Variants in TENM3 observed in about 807,000 individuals in gnomAD.
TENM3 encodes the protein teneurin-3.
A neutral mutation model predicts 255.1 loss-of-function variants in TENM3; 63 were observed. The ratio of observed to expected loss-of-function variants is 0.25; its 90% CI spans 0.20 to 0.30. The LOEUF (loss-of-function observed/expected upper bound fraction) is 0.30. Among genes scored for constraint, TENM3 ranks in the 10% least tolerant of loss-of-function variants. The pLI is 1.00. For missense variants in TENM3, 2,929 were observed against 3,461.1 expected, an observed-to-expected ratio of 0.85 and a Z score of 3.86; for synonymous variants, 1,306 against 1,322.3, an observed-to-expected ratio of 0.99 and a Z score of 0.27.
intron 3 of TENM3, among the ~76,000 whole-genome samples, chr4:182,420,145 G>A (rs1169173609): frequency 6.6e-6 from 1 of 152,002 alleles, no homozygotes; most frequent in African/African-American, 2.4e-5. Flanking sequence ...CTGCCTGATT[G>A]TTATAATTGT....
intron 12 of TENM3, among the ~76,000 whole-genome samples, chr4:182,710,087 T>A (rs1758640466): frequency 6.6e-6 from 1 of 152,186 alleles, no homozygotes; most frequent in Non-Finnish European, 1.5e-5. Flanking sequence ...CTAATCCAGA[T>A]CAGAATTAAG....
chr4:182,553,518 T>C (rs1296089601), intron 3 of TENM3, among the ~76,000 whole-genome samples: 1 of 151,536 alleles, frequency 6.6e-6, no homozygotes, highest in African/African-American at 2.4e-5. Flanking sequence ...ACCCTAGAAC[T>C]TAAAGTATAA....
chr4:182,216,244 G>A (rs1433360270), intron 1 of TENM3, among the ~76,000 whole-genome samples: 3 of 152,174 alleles, frequency 2.0e-5, no homozygotes, highest in Admixed American at 6.5e-5. Flanking sequence ...TATTCCTGAC[G>A]TCACATCTCC....
At chr4:181,949,414 C>CA in the TENM3 span, among the ~76,000 whole-genome samples, 2 of 152,082 alleles carry the variant, frequency 1.3e-5, no homozygotes, top group African/African-American at 4.8e-5. Flanking sequence ...TGAATGAAAC[C>CA]AAAAACCTAG....
intron 1 of TENM3, among the ~76,000 whole-genome samples, chr4:182,181,727 C>A (rs1752851398): frequency 6.6e-6 from 1 of 152,124 alleles, no homozygotes; most frequent in Non-Finnish European, 1.5e-5. Flanking sequence ...TGACTGTTTA[C>A]AATATAGGTA....
Position 182,590,538 on chromosome 4 carries a change from C to CAAAAAAAAAAAAAA in TENM3, c.512-10376_512-10363dup, listed in dbSNP as rs34681777. Among the ~76,000 whole-genome samples, 25 of 79,952 alleles carry CAAAAAAAAAAAAAA rather than the reference C, an allele frequency of 3.1e-4. 2 individuals are homozygous for CAAAAAAAAAAAAAA. Among genetic ancestry groups the CAAAAAAAAAAAAAA allele is most frequent in the East Asian group, 7.7e-4 (2 of 2,614 alleles). 52.5% of individuals were successfully genotyped at this position (79,952 alleles called of 152,430 possible). A position where few individuals can be genotyped will look rare whatever the true frequency, so the allele number is the denominator to read the frequency against. ...CCAGCAATAGAGCGAGACCCTGTCT[C>CAAAAAAAAAAAAAA]AAAAAAAAAAAAAAAAAAAAAAAGA... On this transcript the variant is annotated intron_variant, in intron 3 of 27. Coordinates refer to ENST00000511685, the MANE Select transcript of TENM3 (RefSeq NM_001080477.4).
the TENM3 span, among the ~76,000 whole-genome samples, chr4:181,888,594 G>GTGTGTGTA: frequency 3.9e-5 from 3 of 77,562 alleles, 1 homozygote; most frequent in African/African-American, 1.1e-4. Context: ...ATATATGCGT[G>GTGTGTGTA]TGTGTGTGTG....
chr4:182,529,721 T>C (rs1356712165), intron 3 of TENM3, among the ~76,000 whole-genome samples: 1 of 152,156 alleles, frequency 6.6e-6, no homozygotes, highest in African/African-American at 2.4e-5. Flanking sequence ...TTAACAAATA[T>C]TTGTTCAACA....
chr4:182,637,044 C>T (rs985442246), intron 5 of TENM3, among the ~76,000 whole-genome samples: 9 of 152,138 alleles, frequency 5.9e-5, no homozygotes, highest in Non-Finnish European at 1.2e-4. Flanking sequence ...TTTGCTTTTA[C>T]ATTAGTGGTA....
chr4:182,713,284 A>C (rs2152676370), intron 12 of TENM3, among the ~76,000 whole-genome samples: 1 of 152,254 alleles, frequency 6.6e-6, no homozygotes, highest in East Asian at 1.9e-4. Flanking sequence ...TCAATGTTTT[A>C]TTGTGGTCCT....
At chr4:181,524,860 G>A in the TENM3 span, among the ~76,000 whole-genome samples, 1 of 152,076 alleles carries the variant, frequency 6.6e-6, no homozygotes, top group South Asian at 2.1e-4. Flanking sequence ...CCCTCTCCTC[G>A]GACCACGCAC....
chr4:182,495,338 C>G (rs1735675117), intron 3 of TENM3, among the ~76,000 whole-genome samples: 1 of 152,098 alleles, frequency 6.6e-6, no homozygotes, highest in South Asian at 2.1e-4. Context: ...TATTTTTCAC[C>G]TTGGTCCTGG....
intron 27 of TENM3, among the ~76,000 whole-genome samples, chr4:182,797,365 G>C (rs1766568219): frequency 1.3e-5 from 2 of 152,028 alleles, no homozygotes; most frequent in Admixed American, 1.3e-4. Context: ...CTTGAACCTG[G>C]GAGGCGGAGG....
the TENM3 span, among the ~76,000 whole-genome samples, chr4:181,949,060 C>T: frequency 6.6e-6 from 1 of 152,102 alleles, no homozygotes; most frequent in Non-Finnish European, 1.5e-5. Context: ...TTTGAAAAAA[C>T]TGATCTAGCA....
the TENM3 span, among the ~76,000 whole-genome samples, chr4:181,682,119 A>G: frequency 6.6e-6 from 1 of 152,200 alleles, no homozygotes; most frequent in African/African-American, 2.4e-5. Context: ...GAAGGCCCCC[A>G]AGTGGAGCAC....
the TENM3 span, among the ~76,000 whole-genome samples, chr4:181,684,064 A>C: frequency 6.6e-6 from 1 of 152,198 alleles, no homozygotes; most frequent in Non-Finnish European, 1.5e-5. Flanking sequence ...GGATCACTTG[A>C]GGCAGTTTTT....
chr4:182,600,949 G>A lies in TENM3; in HGVS notation c.537G>A (p.Gln179=). 1 of 1,358,160 alleles carries A rather than the reference G, an allele frequency of 7.4e-7. No homozygotes were observed. Among genetic ancestry groups the A allele is most frequent in the Non-Finnish European group, 1.0e-6 (1 of 998,778 alleles). 84.1% of individuals were successfully genotyped at this position (1,358,160 alleles called of 1,614,324 possible). The change falls in exon 4 of 28, where the codon CAG becomes CAA. Residue 179 remains glutamine, a synonymous_variant. Coordinates refer to ENST00000511685, the MANE Select transcript of TENM3 (RefSeq NM_001080477.4). ...ENEQPASNQG[Q]STLQPLPPSH... is the part of the protein sequence containing the mutation. ...AGCAACCTGCAAGCAATCAAGGCCA[G>A]TCTACCCTGCAGCCCTTGCCGCCTT...
chr4:182,253,669 A>C (rs1758189687), intron 1 of TENM3, among the ~76,000 whole-genome samples: 1 of 152,178 alleles, frequency 6.6e-6, no homozygotes, highest in Non-Finnish European at 1.5e-5. Flanking sequence ...TCCTTCCTCC[A>C]CACAATCATT....
At chr4:182,374,671 CT>C (rs1767058868) in intron 3 of TENM3, among the ~76,000 whole-genome samples, 1 of 152,106 alleles carries the variant, frequency 6.6e-6, no homozygotes, top group African/African-American at 2.4e-5. Context: ...TATTTCAAAA[CT>C]TTTTTTAGTC....
Sources: gnomAD v4.1 joint callset for allele counts (sites outside exome capture counted in the v4.1 genomes callset) on GRCh38, gnomAD v4.1.1 for gene constraint, MANE v1.5 for transcripts, NCBI Gene and HGNC (gene_info 2026-07-23, HGNC 2026-07-21) for gene names.